The following DNM3 variants were observed in gnomAD, a reference collection of about 807,000 sequenced individuals.
The protein encoded by DNM3 is dynamin-3.
In DNM3, 47 loss-of-function variants were observed where a neutral mutation model predicts 101.6. That is an observed-to-expected ratio of 0.46 (90% CI 0.37 to 0.59). The LOEUF (loss-of-function observed/expected upper bound fraction) is 0.59, where lower values mean the gene tolerates loss of function less well. Ranked by LOEUF, DNM3 falls within the 20% of genes least tolerant of loss-of-function variation. DNM3 has a pLI of 0.00. For synonymous variants in DNM3, 385 were observed against 387.9 expected, an observed-to-expected ratio of 0.99 and a Z score of 0.09; for missense variants, 849 against 1,085.7, an observed-to-expected ratio of 0.78 and a Z score of 3.06.
chr1:171,895,435 C>A (rs1303101844), intron 1 of DNM3, among the ~76,000 whole-genome samples: 1 of 152,186 alleles, frequency 6.6e-6, no homozygotes. Flanking sequence ...TAAATGTCTT[C>A]TTTTGAGAAG....
At chr1:172,277,372 G>A (rs2063329824) in intron 15 of DNM3, among the ~76,000 whole-genome samples, 1 of 152,026 alleles carries the variant, frequency 6.6e-6, no homozygotes, top group African/African-American at 2.4e-5. Context: ...CAGGAAAATG[G>A]CAGACTAATT....
intron 2 of DNM3, among the ~76,000 whole-genome samples, chr1:171,966,336 G>A (rs1309465252): frequency 6.6e-6 from 1 of 152,170 alleles, no homozygotes; most frequent in Non-Finnish European, 1.5e-5. Context: ...TCTCTGAAAG[G>A]TCTCTCACTA....
At chr1:172,221,402 T>A (rs2060901626) in intron 14 of DNM3, among the ~76,000 whole-genome samples, 1 of 152,090 alleles carries the variant, frequency 6.6e-6, no homozygotes, top group African/African-American at 2.4e-5. Flanking sequence ...GCTTAGATCA[T>A]GTCTGTAATA....
intron 15 of DNM3, among the ~76,000 whole-genome samples, chr1:172,289,043 G>A (rs889885001): frequency 4.6e-5 from 7 of 152,004 alleles, no homozygotes; most frequent in Admixed American, 1.3e-4. Context: ...GGTTTAAAGC[G>A]ATATATTGAA....
At chr1:171,919,106 C>T (rs757518914) in intron 1 of DNM3, among the ~76,000 whole-genome samples, 8 of 152,256 alleles carry the variant, frequency 5.3e-5, no homozygotes, top group South Asian at 4.1e-4. Flanking sequence ...ATGGTCCTCA[C>T]GGCTCAAACA....
chr1:171,847,896 C>CTGTGTGTG (rs752990905), intron 1 of DNM3, among the ~76,000 whole-genome samples: 5,023 of 141,146 alleles, frequency 0.036, 139 homozygotes, highest in Non-Finnish European at 0.054. Context: ...CTCTCTCTCT[C>CTGTGTGTG]TGTGTGTGTG....
intron 17 of DNM3, among the ~76,000 whole-genome samples, chr1:172,377,162 AG>A (rs201838383): frequency 0.017 from 2,570 of 152,116 alleles, 21 homozygotes; most frequent in Non-Finnish European, 0.024. Context: ...TTAATACCTA[AG>A]GAAAAAATTG....
Position 172,411,864 on chromosome 1 carries a change from T to G in DNM3, c.*4023T>G. On this transcript the variant is annotated 3_prime_UTR_variant, in exon 21 of 21. Coordinates refer to ENST00000627582, the MANE Select transcript of DNM3 (RefSeq NM_015569.5). ...TTTAATGTAAATGAATCTAGATGAT[T>G]TTGAAGAAATGATTATTCGTTCACC... The G allele has an allele frequency of 2.0e-6, 2 of 985,814 alleles. No individual in the cohort carries two copies. The highest frequency in any genetic ancestry group is 1.7e-5 in the African/African-American group (1 of 57,364). 61.1% of individuals were successfully genotyped at this position (985,814 alleles called of 1,614,324 possible).
At position 172,088,732 on chromosome 1, in the gene DNM3, A is replaced by G. The variant is rs1237264564; in HGVS notation, c.1494-4092A>G. On this transcript the variant is annotated intron_variant, in intron 12 of 20. Transcript: ENST00000627582. ...AGTTTATCTTCTTTTCAAGTTTGCT[A>G]CAAACAGTTCAGATCATATCATCTG... Among the ~76,000 whole-genome samples the G allele has an allele frequency of 2.0e-5, 3 of 152,202 alleles. No homozygotes were observed. In the East Asian group the frequency reaches 5.8e-4, roughly 29 times the overall value.
intron 12 of DNM3, among the ~76,000 whole-genome samples, chr1:172,087,855 T>C (rs2053639446): frequency 6.6e-6 from 1 of 152,198 alleles, no homozygotes; most frequent in South Asian, 2.1e-4. Context: ...CTATAATCTG[T>C]ATCTTGTTTA....
intron 16 of DNM3, among the ~76,000 whole-genome samples, chr1:172,322,170 G>A (rs755120123): frequency 3.0e-4 from 46 of 151,972 alleles, no homozygotes; most frequent in Non-Finnish European, 2.2e-4. Flanking sequence ...TTACCTTTCC[G>A]CTCTCCAGAA....
intron 4 of DNM3, among the ~76,000 whole-genome samples, chr1:172,001,941 A>G (rs533131583): frequency 2.6e-5 from 4 of 152,198 alleles, no homozygotes; most frequent in Non-Finnish European, 4.4e-5. Context: ...CTGTCTGGTC[A>G]TAGAGATGGT....
At chr1:172,323,458 GA>G in intron 17 of DNM3, 118 bp downstream of exon 17, 1 of 1,244,958 alleles carries the variant, frequency 8.0e-7, no homozygotes, top group Non-Finnish European at 1.1e-6. Flanking sequence ...TACAGTGCAC[GA>G]ATTATATGGG....
chr1:171,938,575 T>A (rs2041605345), intron 2 of DNM3, among the ~76,000 whole-genome samples: 1 of 152,210 alleles, frequency 6.6e-6, no homozygotes, highest in Non-Finnish European at 1.5e-5. Context: ...GGAATAGAAG[T>A]GTTCAAAGGC....
intron 2 of DNM3, among the ~76,000 whole-genome samples, chr1:171,924,213 GTCAAATGGTAGT>G (rs2040390022): frequency 6.6e-6 from 1 of 152,064 alleles, no homozygotes; most frequent in Non-Finnish European, 1.5e-5. Context: ...GGATTGCTGG[GTCAAATGGTAGT>G]TCTATTTTTA....
chr1:172,033,037 C>T, intron 5 of DNM3, 68 bp from the exon 6 acceptor site: 1 of 1,549,484 alleles, frequency 6.5e-7, no homozygotes, highest in Non-Finnish European at 8.7e-7. Context: ...TATGTGAGAG[C>T]CTTGAAATCT....
chr1:172,284,310 TA>T (rs2063612383), intron 15 of DNM3, among the ~76,000 whole-genome samples: 1 of 152,216 alleles, frequency 6.6e-6, no homozygotes, highest in Admixed American at 6.5e-5. Flanking sequence ...CTTACTGGAA[TA>T]AAACAGATGT....
At chr1:172,038,185 A>G (rs1287684883) in intron 6 of DNM3, 134 bp from the exon 7 acceptor site, 1 of 1,156,190 alleles carries the variant, frequency 8.6e-7, no homozygotes, top group African/African-American at 1.6e-5. Context: ...AGTCAATGTC[A>G]AATGCAGACA....
At chr1:171,936,654 C>T (rs773696037) in intron 2 of DNM3, among the ~76,000 whole-genome samples, 9 of 152,052 alleles carry the variant, frequency 5.9e-5, no homozygotes, top group Non-Finnish European at 1.0e-4. Context: ...ATGTATTATT[C>T]ATTTAATTTA....
Sources: allele counts gnomAD v4.1 joint callset (sites outside exome capture counted in the v4.1 genomes callset), GRCh38; gene constraint gnomAD v4.1.1; transcripts MANE v1.5; gene names NCBI Gene and HGNC (gene_info 2026-07-23, HGNC 2026-07-21).